The following SCUBE1 variants were observed in gnomAD, a reference collection of about 807,000 sequenced individuals.
SCUBE1 encodes signal peptide, CUB and EGF-like domain-containing protein 1.
SCUBE1 carries 59 observed loss-of-function variants against 124.4 expected under a neutral mutation model. The observed-to-expected ratio is 0.47, with a 90% CI of 0.38 to 0.59. The LOEUF is 0.59. Among genes scored for constraint, SCUBE1 ranks in the 20% least tolerant of loss-of-function variants. SCUBE1 has a pLI of 0.00. For synonymous variants in SCUBE1, 545 were observed against 550.9 expected, an observed-to-expected ratio of 0.99 and a Z score of 0.15; for missense variants, 1,150 against 1,371.2, an observed-to-expected ratio of 0.84 and a Z score of 2.55.
rs28645247 is a variant in SCUBE1, at chr22:43,211,727, C to T, written c.2222-644G>A. Among the ~76,000 whole-genome samples the T allele has an allele frequency of 0.076, 11,512 of 152,098 alleles. 796 individuals are homozygous for T. The highest frequency in any genetic ancestry group is 0.18 in the African/African-American group (7,285 of 41,434). On this transcript the variant is annotated intron_variant, in intron 17 of 21. Transcript: ENST00000360835. This position sits in a 1 kb window ranked among gnomAD's most constrained non-coding sequence, Gnocchi z 4.5. ...TAAGTAGAGACAGGGTTTTGCCATG[C>T]TAGCCGGGCTGGCCTCAAACTTCTG... is the stretch of plus-strand genomic sequence containing the variant.
chr22:43,229,246 C>T (rs1269247870), intron 8 of SCUBE1, 58 bp from the exon 9 acceptor site: 2 of 1,050,914 alleles, frequency 1.9e-6, no homozygotes, highest in East Asian at 4.7e-5. Context: ...GGTGGGTGGG[C>T]ACGGCCTGTC....
chr22:43,299,776 T>C (rs1925697855), intron 3 of SCUBE1, among the ~76,000 whole-genome samples: 1 of 152,198 alleles, frequency 6.6e-6, no homozygotes, highest in Non-Finnish European at 1.5e-5. Context: ...GTGCCCGTTT[T>C]CGGTTAGTCC....
intron 15 of SCUBE1, among the ~76,000 whole-genome samples, chr22:43,216,035 A>G (rs1483887846): frequency 6.6e-6 from 1 of 152,006 alleles, no homozygotes; most frequent in Non-Finnish European, 1.5e-5. Context: ...CTTTGAAATA[A>G]TTTCAAAATA....
chr22:43,209,910 G>T, intron 19 of SCUBE1, 133 bp downstream of exon 19: 2 of 918,536 alleles, frequency 2.2e-6, no homozygotes, highest in Non-Finnish European at 1.6e-6. Context: ...GGACTCTGAG[G>T]GGCTGGTCCT....
At chr22:43,289,344 GGTCTTACAA>G (rs1023349620) in intron 4 of SCUBE1, among the ~76,000 whole-genome samples, 3 of 152,226 alleles carry the variant, frequency 2.0e-5, no homozygotes, top group Non-Finnish European at 4.4e-5. Flanking sequence ...ACAACTGGGA[GGTCTTACAA>G]GGCGCAAAAC....
At chr22:43,333,799 C>T (rs1230106570) in intron 2 of SCUBE1, among the ~76,000 whole-genome samples, 2 of 152,208 alleles carry the variant, frequency 1.3e-5, no homozygotes, top group Non-Finnish European at 2.9e-5. Context: ...TGGCCAGTCA[C>T]TTTACCTCTC....
chr22:43,324,442 G>A (rs528697969), intron 2 of SCUBE1, among the ~76,000 whole-genome samples: 2 of 152,210 alleles, frequency 1.3e-5, no homozygotes, highest in Admixed American at 6.5e-5. Context: ...CAATCCCCAG[G>A]CCTGCTGTGG....
intron 21 of SCUBE1, among the ~76,000 whole-genome samples, chr22:43,204,582 AGCCACGGCGCCTG>A (rs1921141251): frequency 6.7e-6 from 1 of 149,360 alleles, no homozygotes; most frequent in Non-Finnish European, 1.5e-5. Context: ...TACAGGCGTG[AGCCACGGCGCCTG>A]GCCCGTAACT....
intron 1 of SCUBE1, among the ~76,000 whole-genome samples, chr22:43,341,432 G>A (rs1927313458): frequency 6.6e-6 from 1 of 152,200 alleles, no homozygotes; most frequent in Non-Finnish European, 1.5e-5. Context: ...ACCAGCAGGG[G>A]CAGTGGGCCA....
intron 2 of SCUBE1, among the ~76,000 whole-genome samples, chr22:43,321,156 C>T (rs1233325050): frequency 1.3e-5 from 2 of 152,320 alleles, no homozygotes; most frequent in East Asian, 1.9e-4. Context: ...TCTCACGAGA[C>T]GACGGAGTAG....
intron 6 of SCUBE1, among the ~76,000 whole-genome samples, chr22:43,245,811 C>T (rs1044420336): frequency 6.6e-6 from 1 of 152,220 alleles, no homozygotes; most frequent in Non-Finnish European, 1.5e-5. Context: ...GCTTGGGGAA[C>T]AATTTGCAAG....
At chr22:43,327,585 G>A (rs376257999) in intron 2 of SCUBE1, among the ~76,000 whole-genome samples, 25 of 152,194 alleles carry the variant, frequency 1.6e-4, no homozygotes, top group South Asian at 2.1e-4. Context: ...TCAGGAGTTC[G>A]AGACCAGCCT....
At chr22:43,320,641 G>A (rs59734257) in intron 2 of SCUBE1, among the ~76,000 whole-genome samples, 3,606 of 152,254 alleles carry the variant, frequency 0.024, 147 homozygotes, top group African/African-American at 0.083. Flanking sequence ...ATAGGAACAC[G>A]CCTAGTTAAC....
intron 3 of SCUBE1, among the ~76,000 whole-genome samples, chr22:43,309,710 C>T (rs1053868845): frequency 3.3e-5 from 5 of 152,110 alleles, no homozygotes; most frequent in Non-Finnish European, 7.4e-5. Flanking sequence ...TGTCCACCCC[C>T]ACACCCAGTC....
rs1923610737 is a variant in SCUBE1 at position 43,255,240 on chromosome 22, G to A, written c.727+2979C>T. On this transcript the variant is annotated intron_variant, in intron 6 of 21. Transcript: ENST00000360835. This position sits in a 1 kb window ranked among gnomAD's most constrained non-coding sequence, Gnocchi z 4.7. ...AACGAACAAATGTGTTTGATGGAGG[G>A]TAAAAACTTTAAAAAGGAAAAAGTG... is the stretch of plus-strand genomic sequence containing the variant. Among the ~76,000 whole-genome samples, 1 of 152,190 alleles carries A rather than the reference G, an allele frequency of 6.6e-6. No homozygotes were observed. The highest frequency in any genetic ancestry group is 6.5e-5 in the Admixed American group (1 of 15,282).
chr22:43,313,861 A>T (rs1926251825), intron 3 of SCUBE1, among the ~76,000 whole-genome samples: 1 of 152,256 alleles, frequency 6.6e-6, no homozygotes, highest in African/African-American at 2.4e-5. Flanking sequence ...CTTGTAAGCC[A>T]TCAGCCTCAT....
rs367576701 is a variant in SCUBE1 at position 43,221,191 on chromosome 22, C to A, written c.1531G>T (p.Ala511Ser). The A allele has an allele frequency of 1.9e-5, 30 of 1,610,112 alleles. No homozygotes were observed. The East Asian group carries it at 5.8e-4, about 31-fold the overall frequency. The change falls in exon 13 of 22, where the codon GCC (alanine) becomes TCC (serine). Residue 511 changes from alanine (A) to serine (S), a missense_variant. By Grantham distance (99) the Ala-to-Ser change is moderately conservative. Transcript: ENST00000360835. ...PHSQARAKET[A>S]RQPLLDHCHV... Reference sequence around the variant, plus strand: ...CACTCACCCAGCAGCGGCTGCCTGGCGGTCTCCTTTGCTCGTGCCTGGCTG... The same window carrying A: ...CACTCACCCAGCAGCGGCTGCCTGGAGGTCTCCTTTGCTCGTGCCTGGCTG...
chr22:43,280,647 C>A (rs1457759706), intron 4 of SCUBE1, among the ~76,000 whole-genome samples: 1 of 150,760 alleles, frequency 6.6e-6, no homozygotes, highest in Non-Finnish European at 1.5e-5. Flanking sequence ...CATGCTCCTA[C>A]CAACTTCCCC....
At chr22:43,271,638 C>G (rs541094772) in intron 4 of SCUBE1, among the ~76,000 whole-genome samples, 1 of 152,272 alleles carries the variant, frequency 6.6e-6, no homozygotes, top group Admixed American at 6.5e-5. Flanking sequence ...TGCCTTCCAC[C>G]CTGTATCCCC....
Sources: allele counts gnomAD v4.1 joint callset (sites outside exome capture counted in the v4.1 genomes callset), GRCh38; gene constraint gnomAD v4.1.1; non-coding constraint Gnocchi (gnomAD v3.1); transcripts MANE v1.5; gene names NCBI Gene and HGNC (gene_info 2026-07-23, HGNC 2026-07-21).